GPHN: variants seen among roughly 807,000 people sequenced by gnomAD.
GPHN encodes the protein gephyrin.
A neutral mutation model predicts 95.5 loss-of-function variants in GPHN; 17 were observed. That is an observed-to-expected ratio of 0.18 (90% CI 0.12 to 0.27). GPHN has a LOEUF of 0.27. Among genes scored for constraint, GPHN ranks in the 10% least tolerant of loss-of-function variants. The pLI is 1.00. For missense variants in GPHN, 660 were observed against 978.1 expected, an observed-to-expected ratio of 0.67 and a Z score of 4.34; for synonymous variants, 320 against 322.5, an observed-to-expected ratio of 0.99 and a Z score of 0.08.
Position 67,150,427 on chromosome 14 carries a change from C to T in GPHN, c.1836+6978C>T, listed in dbSNP as rs867393406. Among the ~76,000 whole-genome samples the T allele has an allele frequency of 4.5e-3, 477 of 107,044 alleles. 5 individuals are homozygous for T. The highest frequency in any genetic ancestry group is 0.017 in the African/African-American group (453 of 26,030). The allele number at this position is 107,044 out of a possible 152,430, so 70.2% of individuals were successfully genotyped here. A position where few individuals can be genotyped will look rare whatever the true frequency, so the allele number is the denominator to read the frequency against. On this transcript the variant is annotated intron_variant, in intron 18 of 22. Coordinates refer to ENST00000478722, the MANE Select transcript of GPHN (RefSeq NM_020806.5). Reference sequence around the variant, plus strand: ...CTGCACTCCAGCCTGGGCGACAGAGCGAGACTCCGTCTCAAAAAAAAAAAA... The same window carrying T: ...CTGCACTCCAGCCTGGGCGACAGAGTGAGACTCCGTCTCAAAAAAAAAAAA...
chr14:67,359,140 A>C, the GPHN span, among the ~76,000 whole-genome samples: 1 of 152,192 alleles, frequency 6.6e-6, no homozygotes, highest in Non-Finnish European at 1.5e-5. Flanking sequence ...AAAATGAGTA[A>C]GGGGATCCAA....
chr14:67,239,987 A>T, the GPHN span, among the ~76,000 whole-genome samples: 1 of 152,176 alleles, frequency 6.6e-6, no homozygotes, highest in Non-Finnish European at 1.5e-5. Flanking sequence ...TAGGCATTTC[A>T]CCAGTTCTCA....
chr14:66,976,919 G>C lies in GPHN; in HGVS notation c.963+11594G>C, dbSNP rs528549202. 1.7e-3 allele frequency among the ~76,000 whole-genome samples: 232 copies of C among 140,106 alleles called. 18 individuals are homozygous for C. Among genetic ancestry groups the C allele is most frequent in the African/African-American group, 5.8e-3 (220 of 37,640 alleles). The allele number at this position is 140,106 out of a possible 152,430, so 91.9% of individuals were successfully genotyped here. On this transcript the variant is annotated intron_variant, in intron 9 of 22. Coordinates refer to ENST00000478722, the MANE Select transcript of GPHN (RefSeq NM_020806.5). The stretch of plus-strand genomic sequence containing the variant: ...TACATGCAGCACAGAAATATGTGGG[G>C]GGGGGGGGAGTACACTCTCACTAGA...
chr14:66,606,373 C>T (rs549228779), intron 1 of GPHN, among the ~76,000 whole-genome samples: 9 of 152,118 alleles, frequency 5.9e-5, no homozygotes, highest in Non-Finnish European at 1.0e-4. Flanking sequence ...GTACCAGTCC[C>T]GTGCTATTTT....
chr14:67,702,094 G>C, the GPHN span, among the ~76,000 whole-genome samples: 1 of 152,052 alleles, frequency 6.6e-6, no homozygotes, highest in Admixed American at 6.5e-5. Context: ...TAGGATAACA[G>C]TCATGAACCA....
intron 1 of GPHN, among the ~76,000 whole-genome samples, chr14:66,549,604 A>G (rs182468379): frequency 2.0e-5 from 3 of 152,328 alleles, no homozygotes; most frequent in Admixed American, 2.0e-4. Context: ...TTATATAGAA[A>G]ATCTAGTTAA....
At chr14:67,585,542 C>T in the GPHN span, 2 of 1,475,248 alleles carry the variant, frequency 1.4e-6, no homozygotes, top group Admixed American at 1.9e-5. Context: ...ATGGATATAT[C>T]TGATGGGTTG....
the GPHN span, chr14:67,573,843 T>C: frequency 6.2e-7 from 1 of 1,613,740 alleles, no homozygotes; most frequent in South Asian, 1.1e-5. This position sits in a 1 kb window ranked among gnomAD's most constrained non-coding sequence, Gnocchi z 4.8. Flanking sequence ...GGATCTGAAC[T>C]CCCGCTGCCA....
At chr14:67,070,711 A>ATATATAT (rs1555482635) in intron 11 of GPHN, among the ~76,000 whole-genome samples, 1 of 89,944 alleles carries the variant, frequency 1.1e-5, no homozygotes, top group African/African-American at 1.4e-4. Context: ...AAAAAAAAAA[A>ATATATAT]AAAAATATAT....
the GPHN span, among the ~76,000 whole-genome samples, chr14:67,699,056 G>A: frequency 6.6e-6 from 1 of 152,060 alleles, no homozygotes; most frequent in East Asian, 1.9e-4. Context: ...TTTGAGACCA[G>A]CCTGCCCAAC....
At chr14:66,902,053 A>T (rs923937356) in intron 5 of GPHN, among the ~76,000 whole-genome samples, 2 of 151,744 alleles carry the variant, frequency 1.3e-5, no homozygotes, top group Non-Finnish European at 2.9e-5. Flanking sequence ...TCTTTCATCA[A>T]TGTTTTATGG....
chr14:67,577,472 A>G, the GPHN span: 9 of 1,129,702 alleles, frequency 8.0e-6, no homozygotes, highest in African/African-American at 1.4e-4. Flanking sequence ...TTGGGTGGAG[A>G]AGGCCTGTGC....
chr14:67,046,761 A>T (rs116397551), intron 10 of GPHN, among the ~76,000 whole-genome samples: 86 of 152,352 alleles, frequency 5.6e-4, no homozygotes, highest in African/African-American at 1.9e-3. Flanking sequence ...TGAAGACAAT[A>T]TGAAAATTAT....
Position 66,508,318 on chromosome 14 carries a change from C to T in GPHN, c.-210C>T, listed in dbSNP as rs776090243. 2.2e-4 allele frequency: 131 copies of T among 606,790 alleles called. 1 individual carries two copies. Among genetic ancestry groups the T allele is most frequent in the Non-Finnish European group, 3.4e-4 (114 of 339,930 alleles). The allele number at this position is 606,790 out of a possible 1,614,324, so 37.6% of individuals were successfully genotyped here. A position where few individuals can be genotyped will look rare whatever the true frequency, so the allele number is the denominator to read the frequency against. Reference sequence around the variant, plus strand: ...TTGGGGCCGCGCGCCCTGACTCCTTCCCCTCCCGCGGACCCGCGCACTCCC... The same window carrying T: ...TTGGGGCCGCGCGCCCTGACTCCTTTCCCTCCCGCGGACCCGCGCACTCCC... On this transcript the variant is annotated 5_prime_UTR_variant, in exon 1 of 23. Transcript: ENST00000478722.
the GPHN span, among the ~76,000 whole-genome samples, chr14:67,232,176 G>T: frequency 2.8e-4 from 42 of 152,220 alleles, no homozygotes; most frequent in African/African-American, 9.4e-4. Flanking sequence ...TGGTTTTGGA[G>T]ACTAGGTCAT....
chr14:66,931,248 T>C (rs1400203798), intron 8 of GPHN, among the ~76,000 whole-genome samples: 1 of 152,206 alleles, frequency 6.6e-6, no homozygotes, highest in Non-Finnish European at 1.5e-5. Flanking sequence ...ATGTTATCTG[T>C]TATTTTTCTC....
the GPHN span, among the ~76,000 whole-genome samples, chr14:67,352,416 G>T: frequency 8.3e-5 from 12 of 145,264 alleles, no homozygotes; most frequent in Admixed American, 7.0e-4. Context: ...TGCAGAGTAA[G>T]ACCTTGCCTC....
the GPHN span, among the ~76,000 whole-genome samples, chr14:67,329,571 T>C: frequency 6.6e-6 from 1 of 152,196 alleles, no homozygotes; most frequent in Non-Finnish European, 1.5e-5. Context: ...TCAAAGGGAA[T>C]GCTTCCAGTT....
At chr14:66,610,067 T>C (rs2062713739) in intron 1 of GPHN, among the ~76,000 whole-genome samples, 1 of 152,176 alleles carries the variant, frequency 6.6e-6, no homozygotes, top group African/African-American at 2.4e-5. Context: ...GGTGTTCCTT[T>C]AACTGTGGTA....
Sources: gnomAD v4.1 joint callset for allele counts (sites outside exome capture counted in the v4.1 genomes callset) on GRCh38, gnomAD v4.1.1 for gene constraint, Gnocchi (gnomAD v3.1) non-coding constraint, MANE v1.5 for transcripts, NCBI Gene and HGNC (gene_info 2026-07-23, HGNC 2026-07-21) for gene names.